PBRM1: variants seen among roughly 807,000 people sequenced by gnomAD.
The protein encoded by PBRM1 is polybromo 1, also known as protein polybromo-1.
Under a neutral mutation model 194.5 loss-of-function variants are expected in PBRM1, and 27 were observed. That is an observed-to-expected ratio of 0.14 (90% CI 0.10 to 0.19). The LOEUF (loss-of-function observed/expected upper bound fraction) is 0.19, where lower values mean the gene tolerates loss of function less well. PBRM1 is among the 10% of genes least tolerant of loss of function. PBRM1 has a pLI of 1.00. For synonymous variants in PBRM1, 655 were observed against 693.2 expected (o/e 0.94, Z 0.87); for missense variants, 1,466 against 2,077.2 (o/e 0.71, Z 5.72).
At chr3:52,603,383 T>A in intron 17 of PBRM1, 138 bp downstream of exon 19, 1 of 829,092 alleles carries the variant, frequency 1.2e-6, no homozygotes, top group Non-Finnish European at 1.8e-6. Context: ...AATATTTCCA[T>A]CTCATTGCGT....
chr3:52,648,760 T>G (rs973302372), intron 6 of PBRM1, among the ~76,000 whole-genome samples: 6 of 152,208 alleles, frequency 3.9e-5, no homozygotes, highest in African/African-American at 1.4e-4. Context: ...CCAAGCACAG[T>G]TCTAAGTGCT....
At chr3:52,554,969 G>T in intron 26 of PBRM1, 90 bp from the exon 29 acceptor site, 2 of 985,764 alleles carry the variant, frequency 2.0e-6, no homozygotes, top group Non-Finnish European at 3.2e-6. Flanking sequence ...CACTACCAAT[G>T]AATAAAGCAC....
intron 13 of PBRM1, among the ~76,000 whole-genome samples, chr3:52,624,078 G>A (rs1484422072): frequency 6.6e-6 from 1 of 152,166 alleles, no homozygotes; most frequent in East Asian, 1.9e-4. Context: ...AAGTATGGTA[G>A]GAAAATAATC....
exon 21 of PBRM1, chr3:52,579,129 T>C (rs2090437282): frequency 1.9e-6 from 3 of 1,613,980 alleles, no homozygotes; most frequent in Non-Finnish European, 2.5e-6. Flanking sequence ...CATGTCATTG[T>C]AATGGAGCTG....
At chr3:52,651,251 A>T (rs148408491) in intron 6 of PBRM1, among the ~76,000 whole-genome samples, 41 of 152,272 alleles carry the variant, frequency 2.7e-4, no homozygotes, top group Admixed American at 2.4e-3. Context: ...TAGGGTAGAG[A>T]GGGCCAAAGA....
chr3:52,577,041 A>T (rs1207862167), intron 21 of PBRM1, among the ~76,000 whole-genome samples: 1 of 151,936 alleles, frequency 6.6e-6, no homozygotes, highest in East Asian at 1.9e-4. Context: ...CTTGTGAACC[A>T]AACAAAGACA....
intron 24 of PBRM1, among the ~76,000 whole-genome samples, chr3:52,562,669 G>A (rs754673111): frequency 6.6e-5 from 10 of 150,946 alleles, no homozygotes; most frequent in African/African-American, 2.4e-4. Context: ...TCAGCCTGCC[G>A]AGTAGCTGGG....
chr3:52,634,253 G>C (rs1204300452), intron 11 of PBRM1, among the ~76,000 whole-genome samples: 2 of 151,874 alleles, frequency 1.3e-5, no homozygotes, highest in Non-Finnish European at 2.9e-5. Flanking sequence ...CCTGGCCAAA[G>C]TGGTGAAACC....
At chr3:52,627,500 AAG>A (rs2095483441) in intron 12 of PBRM1, 130 bp from the exon 14 acceptor site, 4 of 597,828 alleles carry the variant, frequency 6.7e-6, no homozygotes, top group Non-Finnish European at 1.2e-5. Context: ...TACAAAATGA[AAG>A]AGTCATTAAA....
chr3:52,631,910 G>T (rs536609260), intron 11 of PBRM1, among the ~76,000 whole-genome samples: 1 of 152,254 alleles, frequency 6.6e-6, no homozygotes, highest in East Asian at 1.9e-4. Flanking sequence ...AAAGATGGAA[G>T]GCAAACCAAG....
intron 16 of PBRM1, among the ~76,000 whole-genome samples, chr3:52,606,393 G>A (rs1036557687): frequency 6.6e-6 from 1 of 152,132 alleles, no homozygotes; most frequent in South Asian, 2.1e-4. Flanking sequence ...TTATAATAGT[G>A]TACAATTTTA....
intron 11 of PBRM1, among the ~76,000 whole-genome samples, chr3:52,633,638 A>C (rs2095696441): frequency 6.6e-6 from 1 of 152,206 alleles, no homozygotes; most frequent in Admixed American, 6.5e-5. Context: ...ATCTGCACAG[A>C]GGTTCCAATT....
At chr3:52,565,398 C>T (rs2084862326) in intron 22 of PBRM1, among the ~76,000 whole-genome samples, 1 of 151,842 alleles carries the variant, frequency 6.6e-6, no homozygotes, top group African/African-American at 2.4e-5. Context: ...AGCCCAGCTA[C>T]TCAGGAGGCT....
chr3:52,589,082 C>T (rs1560121508), exon 18 of PBRM1: 2 of 1,613,246 alleles, frequency 1.2e-6, no homozygotes, highest in Non-Finnish European at 8.5e-7. Flanking sequence ...GCTGAATCCT[C>T]CCACAGTCTT....
rs149228807 is a variant in PBRM1 at position 52,619,584 on chromosome 3, T to C, written c.1542-2046A>G. 1.4e-3 allele frequency among the ~76,000 whole-genome samples: 212 copies of C among 152,242 alleles called. 1 individual carries two copies. Among genetic ancestry groups the C allele is most frequent in the Admixed American group, 3.8e-3 (58 of 15,298 alleles). On this transcript the variant is annotated intron_variant, in intron 13 of 29. Coordinates refer to ENST00000296302, the Ensembl canonical transcript of PBRM1. The stretch of plus-strand genomic sequence containing the variant: ...AGGGCCAACTGTACTTAGAGGTAAA[T>C]ATTTTGTATCTGTTCCCTATCCTTT...
intron 12 of PBRM1, among the ~76,000 whole-genome samples, chr3:52,627,585 TGAG>T (rs1459149525): frequency 6.6e-6 from 1 of 152,174 alleles, no homozygotes; most frequent in Non-Finnish European, 1.5e-5. Context: ...TCTACAGGGT[TGAG>T]GAGTCAATAC....
At chr3:52,619,245 C>T (rs1014811766) in intron 13 of PBRM1, among the ~76,000 whole-genome samples, 2 of 152,186 alleles carry the variant, frequency 1.3e-5, no homozygotes, top group Non-Finnish European at 2.9e-5. Context: ...GTATAGTCAT[C>T]CCTTGGTATT....
intron 20 of PBRM1, among the ~76,000 whole-genome samples, chr3:52,582,411 CTT>C (rs374555187): frequency 3.9e-5 from 5 of 128,804 alleles, no homozygotes; most frequent in Admixed American, 1.7e-4. Context: ...ATTGATAATT[CTT>C]TTTTTTTTTT....
intron 15 of PBRM1, among the ~76,000 whole-genome samples, chr3:52,612,329 T>A (rs2094680542): frequency 1.3e-5 from 2 of 150,546 alleles, no homozygotes; most frequent in Admixed American, 6.7e-5. Context: ...GGATTCTACT[T>A]TAACCAGACA....
Sources: allele counts gnomAD v4.1 joint callset (sites outside exome capture counted in the v4.1 genomes callset), GRCh38; gene constraint gnomAD v4.1.1; transcripts MANE v1.5; gene names NCBI Gene and HGNC (gene_info 2026-07-23, HGNC 2026-07-21).